Variants in PLXNA1 observed in about 807,000 individuals in gnomAD.
PLXNA1 encodes plexin A1, also known as plexin-A1.
PLXNA1 carries 77 observed loss-of-function variants against 191.7 expected under a neutral mutation model. That is an observed-to-expected ratio of 0.40 (90% CI 0.33 to 0.49). The LOEUF is 0.49. PLXNA1 is among the 20% of genes least tolerant of loss of function. The pLI is 0.63. For missense variants in PLXNA1, 2,110 were observed against 2,660.2 expected (o/e 0.79, Z 4.55); for synonymous variants, 1,137 against 1,156.4 (o/e 0.98, Z 0.34).
At chr3:127,015,713 A>T (rs1357963005) in intron 15 of PLXNA1, among the ~76,000 whole-genome samples, 1 of 152,234 alleles carries the variant, frequency 6.6e-6, no homozygotes, top group East Asian at 1.9e-4. Flanking sequence ...TGTCCCTTTA[A>T]ATATTTTCCT....
intron 3 of PLXNA1, among the ~76,000 whole-genome samples, chr3:126,994,130 G>A (rs1462574277): frequency 6.6e-6 from 1 of 152,052 alleles, no homozygotes; most frequent in African/African-American, 2.4e-5. Context: ...TGACAGGTGG[G>A]GAAACTGAGT....
chr3:127,029,803 A>C (rs554204935), intron 27 of PLXNA1, 71 bp from the exon 28 acceptor site: 11 of 1,449,446 alleles, frequency 7.6e-6, no homozygotes, highest in South Asian at 1.4e-5. Flanking sequence ...CAGCTTTCAG[A>C]TGGGGAAACA....
intron 3 of PLXNA1, among the ~76,000 whole-genome samples, chr3:126,997,541 G>A (rs1418455147): frequency 2.0e-5 from 3 of 152,196 alleles, no homozygotes; most frequent in Non-Finnish European, 2.9e-5. Flanking sequence ...GCCACTGCCC[G>A]CCCAGGCCAG....
intron 25 of PLXNA1, 139 bp from the exon 26 acceptor site, chr3:127,028,854 C>G (rs2107637844): frequency 6.3e-6 from 4 of 634,120 alleles, no homozygotes; most frequent in South Asian, 1.9e-5. Context: ...GTTAAGTGTG[C>G]TGCAGCAGGG....
At position 127,021,985 on chromosome 3, in the gene PLXNA1, G is replaced by T. The variant is rs922044014; in HGVS notation, c.4039-100G>T. 4 of 1,507,552 alleles carry T rather than the reference G, an allele frequency of 2.7e-6. No individual in the cohort carries two copies. In the African/African-American group the frequency reaches 4.2e-5, roughly 16 times the overall value. 93.4% of individuals were successfully genotyped at this position (1,507,552 alleles called of 1,614,324 possible). A position where few individuals can be genotyped will look rare whatever the true frequency, so the allele number is the denominator to read the frequency against. ...CCTTCCAGGCCTGTCCTCTGATGGG[G>T]CCCTGCCTCACCAGCCAGGCCTGGA... On this transcript the variant is annotated intron_variant, in intron 21 of 31. Transcript: ENST00000393409.
Position 127,036,508 on chromosome 3 carries a change from G to A in PLXNA1, c.*2491G>A, listed in dbSNP as rs115207194. ...TGTTTACATGCGCAAGGATCAAGCCGACTACCTGTGCTGTCTACTGGGACA... is the reference window on the plus strand; with the variant it reads ...TGTTTACATGCGCAAGGATCAAGCCAACTACCTGTGCTGTCTACTGGGACA... On this transcript the variant is annotated 3_prime_UTR_variant, in exon 32 of 32. Transcript: ENST00000393409. The A allele has an allele frequency of 4.0e-3, 610 of 152,592 alleles. 7 individuals are homozygous for A. Among genetic ancestry groups the A allele is most frequent in the African/African-American group, 0.014 (571 of 41,574 alleles). 9.5% of individuals were successfully genotyped at this position (152,592 alleles called of 1,614,324 possible). A position where few individuals can be genotyped will look rare whatever the true frequency, so the allele number is the denominator to read the frequency against.
At chr3:127,014,950 GGCC>G in intron 14 of PLXNA1, 119 bp downstream of exon 14, 8 of 1,464,942 alleles carry the variant, frequency 5.5e-6, no homozygotes, top group Non-Finnish European at 7.3e-6. Context: ...GCTTTTCCAC[GGCC>G]TGGGTGCTGC....
chr3:126,991,421 TCAAC>T lies in PLXNA1; in HGVS notation c.1235_1238del (p.Asn412SerfsTer22). The T allele has an allele frequency of 6.2e-7, 1 of 1,612,812 alleles. No individual in the cohort carries two copies. The highest frequency in any genetic ancestry group is 8.5e-7 in the Non-Finnish European group (1 of 1,179,878). Reference sequence around the variant, plus strand: ...GATGACGACTTCTGCGGGCAGGACTTCAACCAGCCCCTGGGGGGCACAGTCACCA... The same window carrying T: ...GATGACGACTTCTGCGGGCAGGACTTCAGCCCCTGGGGGGCACAGTCACCA... On this transcript the variant is annotated frameshift_variant, in exon 3 of 32. Coordinates refer to ENST00000393409, the MANE Select transcript of PLXNA1 (RefSeq NM_032242.4). LOFTEE classifies it high-confidence loss of function.
At chr3:127,012,927 G>A (rs914009412) in intron 10 of PLXNA1, among the ~76,000 whole-genome samples, 7 of 152,202 alleles carry the variant, frequency 4.6e-5, no homozygotes, top group Non-Finnish European at 8.8e-5. Flanking sequence ...CTCACTGCAG[G>A]GGCAGGTGGC....
Position 127,032,740 on chromosome 3 carries a change from G to T in PLXNA1, c.5499G>T (p.Ala1833=), listed in dbSNP as rs139982539. ...CCATCAGCGACCAGGACATGAGTGC[G>T]TATCTGGCTGAGCAGTCCCGCCTGC... ...MPAISDQDMS[A]YLAEQSRLHL... is the part of the protein sequence containing the mutation. The change falls in exon 31 of 32, where the codon GCG becomes GCT. Residue 1833 remains alanine, a synonymous_variant. Coordinates refer to ENST00000393409, the MANE Select transcript of PLXNA1 (RefSeq NM_032242.4). 2 of 1,613,398 alleles carry T rather than the reference G, an allele frequency of 1.2e-6. No individual in the cohort carries two copies. Among genetic ancestry groups the T allele is most frequent in the African/African-American group, 1.3e-5 (1 of 75,048 alleles).
chr3:127,011,690 C>A (rs2079096334), intron 9 of PLXNA1, among the ~76,000 whole-genome samples: 1 of 152,204 alleles, frequency 6.6e-6, no homozygotes, highest in African/African-American at 2.4e-5. Flanking sequence ...CAGCTGCTGG[C>A]CAGATGGGGC....
At position 126,989,125 on chromosome 3, in the gene PLXNA1, C is replaced by A; in HGVS notation, c.532C>A (p.Pro178Thr). The change falls in exon 2 of 32, where the codon CCG becomes ACG. Residue 178 changes from proline to threonine, a missense_variant. Pro to Thr is a conservative substitution (Grantham distance 38). Transcript: ENST00000393409. ...SMAGVLIAGPPGQGQAKLFVG... is the reference protein window; with the variant it reads ...SMAGVLIAGPTGQGQAKLFVG... ...GGCGGGCGTGCTCATTGCCGGGCCA[C>A]CGGGCCAGGGCCAGGCCAAGCTCTT... is the stretch of plus-strand genomic sequence containing the variant. 1.2e-6 allele frequency: 2 copies of A among 1,613,152 alleles called. No homozygotes were observed. The highest frequency in any genetic ancestry group is 1.7e-6 in the Non-Finnish European group (2 of 1,179,986).
Position 127,014,591 on chromosome 3 carries a change from G to A in PLXNA1, c.2718G>A (p.Leu906=). The change falls in exon 13 of 32, where the codon CTG becomes CTA. Residue 906 remains leucine (L), a synonymous_variant. Transcript: ENST00000393409. ...TGGGCGTGCGCGTGGGCAAGGTGCT[G>A]TGCAGCCCTGTGGAGAGCGAGTACA... ...VRLGVRVGKV[L]CSPVESEYIS... 1 of 1,613,230 alleles carries A rather than the reference G, an allele frequency of 6.2e-7. No homozygotes were observed. Among genetic ancestry groups the A allele is most frequent in the Non-Finnish European group, 8.5e-7 (1 of 1,179,870 alleles).
At chr3:126,985,983 G>A (rs2078957455) in intron 1 of PLXNA1, among the ~76,000 whole-genome samples, 3 of 152,266 alleles carry the variant, frequency 2.0e-5, no homozygotes, top group Admixed American at 6.5e-5. Flanking sequence ...CTTTGTTGGG[G>A]CAGTGGGGTG....
intron 31 of PLXNA1, 65 bp downstream of exon 31, chr3:127,032,901 G>C (rs1576694617): frequency 3.3e-6 from 5 of 1,514,206 alleles, no homozygotes; most frequent in Non-Finnish European, 4.5e-6. Context: ...AGAGTCACCT[G>C]CTCTGCCCCG....
Position 127,004,951 on chromosome 3 carries a change from G to A in PLXNA1, c.1686G>A (p.Gln562=). The change falls in exon 6 of 32, where the codon CAG becomes CAA. Residue 562 remains glutamine (Q), a synonymous_variant. Transcript: ENST00000393409. ...AGCGCTTTGCTGCGGACCTGCTGCA[G>A]TGTGTGCAGCTGACTGTGCAGCCCC... ...EPQRFAADLL[Q]CVQLTVQPRN... is the part of the protein sequence containing the mutation. 1.2e-6 allele frequency: 2 copies of A among 1,610,400 alleles called. No homozygotes were observed. The highest frequency in any genetic ancestry group is 1.7e-4 in the Middle Eastern group (1 of 6,056).
intron 8 of PLXNA1, among the ~76,000 whole-genome samples, chr3:127,007,028 G>A (rs576829891): frequency 2.3e-4 from 35 of 152,302 alleles, no homozygotes; most frequent in Non-Finnish European, 4.3e-4. Context: ...AGCAACTGCC[G>A]TGAGCCAAGC....
Position 127,017,817 on chromosome 3 carries a change from A to G in PLXNA1, c.3585A>G (p.Thr1195=). The change falls in exon 19 of 32, where the codon ACA becomes ACG. Residue 1195 remains threonine, a synonymous_variant. Transcript: ENST00000393409. ...ACTACACGGTGCTCATCGGCTCCAC[A>G]CCCTGTACCCTCACCGTGTCGGAGA... ...RLNYTVLIGS[T]PCTLTVSETQ... The G allele has an allele frequency of 1.2e-6, 2 of 1,612,636 alleles. No homozygotes were observed. The highest frequency in any genetic ancestry group is 1.1e-5 in the South Asian group (1 of 91,036).
In PLXNA1 at chr3:127,018,358, C is replaced by T. The variant is rs1336084828; in HGVS notation, c.3725C>T (p.Thr1242Met). ...TLQVYSDSLL[T>M]LPAIVGIGGG... ...CAGGTGTACTCGGACAGCCTGCTGA[C>T]GCTGCCTGCCATTGTGGGCATTGGC... Residue 1242 changes from threonine (T) to methionine (M), a missense_variant, in exon 20 of 32, where the codon ACG becomes ATG. Thr to Met is a moderately conservative substitution (Grantham distance 81, BLOSUM62 -1). Around this residue, in one of 4 missense-constraint regions of PLXNA1, gnomAD observed 559 missense variants for 911.5 expected, o/e 0.61. Coordinates refer to ENST00000393409, the MANE Select transcript of PLXNA1 (RefSeq NM_032242.4). The T allele has an allele frequency of 5.0e-6, 8 of 1,612,972 alleles. No individual in the cohort carries two copies. The highest frequency in any genetic ancestry group is 3.3e-5 in the South Asian group (3 of 91,070).
Sources: allele counts gnomAD v4.1 joint callset (sites outside exome capture counted in the v4.1 genomes callset), GRCh38; gene constraint gnomAD v4.1.1; regional missense constraint gnomAD v4.1.1; transcripts MANE v1.5; gene names NCBI Gene and HGNC (gene_info 2026-07-23, HGNC 2026-07-21).